APMAP: variants seen among roughly 807,000 people sequenced by gnomAD.
APMAP encodes adipocyte plasma membrane-associated protein.
Under a neutral mutation model 43.6 loss-of-function variants are expected in APMAP, and 33 were observed. That is an observed-to-expected ratio of 0.76 (90% confidence interval 0.57 to 1.01). The LOEUF (loss-of-function observed/expected upper bound fraction) is 1.01. APMAP is among the 50% of genes least tolerant of loss of function. The pLI is 0.00. For synonymous variants in APMAP, 224 were observed against 216.7 expected, an observed-to-expected ratio of 1.03 and a Z score of -0.30; for missense variants, 498 against 540.7, an observed-to-expected ratio of 0.92 and a Z score of 0.78.
At chr20:24,978,078 CT>C (rs1257531184) in intron 3 of APMAP, among the ~76,000 whole-genome samples, 1 of 152,208 alleles carries the variant, frequency 6.6e-6, no homozygotes, top group Non-Finnish European at 1.5e-5. Context: ...GAACAGTGTG[CT>C]TCAGAATAAC....
intron 2 of APMAP, among the ~76,000 whole-genome samples, chr20:24,979,472 G>T (rs2088081963): frequency 6.6e-6 from 1 of 152,118 alleles, no homozygotes; most frequent in African/African-American, 2.4e-5. Flanking sequence ...CACAGACACG[G>T]CTCCAGAAAC....
intron 8 of APMAP, among the ~76,000 whole-genome samples, chr20:24,968,408 C>T (rs544507194): frequency 2.6e-5 from 4 of 152,120 alleles, no homozygotes; most frequent in South Asian, 2.1e-4. Flanking sequence ...AGGGAGCAGG[C>T]GGGATGGCAG....
intron 1 of APMAP, among the ~76,000 whole-genome samples, chr20:24,985,015 A>C (rs1233085306): frequency 2.6e-5 from 4 of 152,208 alleles, no homozygotes; most frequent in Admixed American, 2.0e-4. Flanking sequence ...ACTTGATTTA[A>C]GGGGGCAGGG....
At chr20:24,988,678 C>T (rs2088167694) in intron 1 of APMAP, among the ~76,000 whole-genome samples, 1 of 152,164 alleles carries the variant, frequency 6.6e-6, no homozygotes, top group Non-Finnish European at 1.5e-5. Flanking sequence ...ACTCTTTCAT[C>T]GGTTGTTCCT....
intron 8 of APMAP, 105 bp downstream of exon 8, chr20:24,968,787 G>T: frequency 8.6e-7 from 1 of 1,163,862 alleles, no homozygotes; most frequent in Non-Finnish European, 1.2e-6. Context: ...GTCATTCAGA[G>T]CCAAATACTA....
At chr20:24,979,984 C>G (rs190330792) in intron 2 of APMAP, among the ~76,000 whole-genome samples, 112 of 152,296 alleles carry the variant, frequency 7.4e-4, no homozygotes, top group South Asian at 5.2e-3. Flanking sequence ...ATACCTCCCC[C>G]GAACCCAGGC....
chr20:24,970,985 G>A (rs2087994250), intron 5 of APMAP, among the ~76,000 whole-genome samples: 1 of 152,168 alleles, frequency 6.6e-6, no homozygotes, highest in African/African-American at 2.4e-5. Flanking sequence ...CTCCCCAGCA[G>A]GAACCTCCAC....
At chr20:24,985,047 A>G (rs980951439) in intron 1 of APMAP, among the ~76,000 whole-genome samples, 4 of 152,198 alleles carry the variant, frequency 2.6e-5, no homozygotes, top group African/African-American at 9.6e-5. Context: ...ACAGAAGTGT[A>G]GTCTTCTGCC....
intron 5 of APMAP, 144 bp from the exon 6 acceptor site, chr20:24,970,515 T>C (rs1235237427): frequency 2.6e-6 from 2 of 764,872 alleles, no homozygotes; most frequent in Non-Finnish European, 4.0e-6. Flanking sequence ...CTTCTTATAG[T>C]AAAAACAGTA....
At chr20:24,972,746 T>G (rs2088016674) in intron 4 of APMAP, among the ~76,000 whole-genome samples, 1 of 150,390 alleles carries the variant, frequency 6.6e-6, no homozygotes, top group African/African-American at 2.5e-5. Context: ...CTGCAGGGTG[T>G]TCACTGTGGG....
chr20:24,963,903 G>A lies in APMAP; in HGVS notation c.1161C>T (p.Tyr387=), dbSNP rs1283384566. ...CATCGTGTTCGTGCACCTCGCTGAT[G>A]TAGGTGGCCACCAGCCCATCGGGAT... ...LHDPDGLVAT[Y]ISEVHEHDGH... Residue 387 remains tyrosine, a synonymous_variant, in exon 9 of 9, where the codon TAC becomes TAT. Coordinates refer to ENST00000217456, the MANE Select transcript of APMAP (RefSeq NM_020531.3). 3 of 1,614,246 alleles carry A rather than the reference G, an allele frequency of 1.9e-6. No individual in the cohort carries two copies. The highest frequency in any genetic ancestry group is 1.7e-5 in the Admixed American group (1 of 60,034).
At chr20:24,971,207 G>GGCTAAATA (rs1371241815) in intron 5 of APMAP, among the ~76,000 whole-genome samples, 3 of 152,188 alleles carry the variant, frequency 2.0e-5, no homozygotes, top group African/African-American at 4.8e-5. Flanking sequence ...AAGTCCTTTT[G>GGCTAAATA]AGACCCTGTG....
chr20:24,969,502 T>C (rs771414788), intron 7 of APMAP, 24 bp downstream of exon 7: 8 of 1,592,362 alleles, frequency 5.0e-6, no homozygotes, highest in South Asian at 2.2e-5. Flanking sequence ...CAGTAACTGA[T>C]GGCTCAGCTA....
At chr20:24,986,809 C>G (rs2088151703) in intron 1 of APMAP, among the ~76,000 whole-genome samples, 2 of 152,152 alleles carry the variant, frequency 1.3e-5, no homozygotes, top group African/African-American at 2.4e-5. Context: ...CAACTGAGAG[C>G]CAGATGTGAC....
rs1212307499 is a variant in APMAP at position 24,963,810 on chromosome 20, G to A, written c.*3C>T. ...GCGTGGCAGGGGCAGCTATCTGGGA[G>A]GGCTAAACAGCCTGGAGGCTGAGTC... On this transcript the variant is annotated 3_prime_UTR_variant, in exon 9 of 9. Coordinates refer to ENST00000217456, the MANE Select transcript of APMAP (RefSeq NM_020531.3). The A allele has an allele frequency of 5.6e-6, 9 of 1,613,976 alleles. No homozygotes were observed. Among genetic ancestry groups the A allele is most frequent in the Non-Finnish European group, 7.6e-6 (9 of 1,179,888 alleles).
chr20:24,986,588 G>C (rs923296378), intron 1 of APMAP, among the ~76,000 whole-genome samples: 3 of 152,226 alleles, frequency 2.0e-5, no homozygotes, highest in African/African-American at 7.2e-5. Flanking sequence ...ATGACGGCAG[G>C]CTCATGCAAC....
chr20:24,978,773 T>G lies in APMAP; in HGVS notation c.322A>C (p.Ile108Leu). 2.3e-5 allele frequency: 29 copies of G among 1,276,078 alleles called. No individual in the cohort carries two copies. The highest frequency in any genetic ancestry group is 3.4e-5 in the East Asian group (1 of 29,444). The allele number at this position is 1,276,078 out of a possible 1,614,324, so 79.0% of individuals were successfully genotyped here. A position where few individuals can be genotyped will look rare whatever the true frequency, so the allele number is the denominator to read the frequency against. ...CACCCAAGCTTAGACTTACCCCCAA[T>G]ATGTGCTATGGACTCCGGTCCAACA... ...QLVGPESIAH[I>L]GDVMFTGTAD... is the part of the protein sequence containing the mutation. The change falls in exon 3 of 9, where the codon ATT (isoleucine) becomes CTT (leucine). Residue 108 changes from isoleucine (I) to leucine (L), a missense_variant. Ile to Leu is a conservative substitution (Grantham distance 5). Transcript: ENST00000217456.
At chr20:24,976,139 T>G (rs554892772) in intron 3 of APMAP, among the ~76,000 whole-genome samples, 1 of 152,334 alleles carries the variant, frequency 6.6e-6, no homozygotes, top group South Asian at 2.1e-4. Flanking sequence ...ACCTAGGGTA[T>G]GATGATGAAT....
At chr20:24,975,607 T>C (rs2088044276) in intron 3 of APMAP, among the ~76,000 whole-genome samples, 1 of 152,322 alleles carries the variant, frequency 6.6e-6, no homozygotes, top group African/African-American at 2.4e-5. Flanking sequence ...CCAACCTTAA[T>C]CTATAGATTC....
Sources: allele counts gnomAD v4.1 joint callset (sites outside exome capture counted in the v4.1 genomes callset), GRCh38; gene constraint gnomAD v4.1.1; transcripts MANE v1.5; gene names NCBI Gene and HGNC (gene_info 2026-07-23, HGNC 2026-07-21).